The following CYBB variants were observed in gnomAD, a reference collection of about 807,000 sequenced individuals.
The protein encoded by CYBB is cytochrome b-245 beta chain, also known as NADPH oxidase 2.
A neutral mutation model predicts 46.5 loss-of-function variants in CYBB; 5 were observed. That is an observed-to-expected ratio of 0.11 (90% CI 0.06 to 0.23). The LOEUF is 0.23. Ranked by LOEUF, CYBB falls within the 10% of genes least tolerant of loss-of-function variation. The probability of loss-of-function intolerance (pLI) is 1.00; values close to 1 mark genes in which losing one functional copy is unlikely to be tolerated. For missense variants in CYBB, 307 were observed against 428.3 expected, an observed-to-expected ratio of 0.72 and a Z score of 2.50; for synonymous variants, 183 against 156.7, an observed-to-expected ratio of 1.17 and a Z score of -1.26.
At chrX:37,784,028 A>G (rs782571408) in intron 3 of CYBB, among the ~76,000 whole-genome samples, 16 of 111,804 alleles carry the variant, frequency 1.4e-4, no homozygotes, top group Non-Finnish European at 3.0e-4. Flanking sequence ...GTCAATGGAC[A>G]GAGTCACACT....
intron 3 of CYBB, among the ~76,000 whole-genome samples, chrX:37,786,290 G>A (rs1228298476): frequency 1.8e-5 from 2 of 111,712 alleles, no homozygotes; most frequent in Non-Finnish European, 3.8e-5. Context: ...AAATGGAAGT[G>A]TTGGCATTCA....
At chrX:37,802,819 T>C (rs1929473283) in intron 8 of CYBB, among the ~76,000 whole-genome samples, 1 of 112,239 alleles carries the variant, frequency 8.9e-6, no homozygotes, top group Non-Finnish European at 1.9e-5. Context: ...TTTATTTCTA[T>C]TGATTTTTCT....
At chrX:37,783,150 T>TACAGGATGGATACA (rs1556464773) in intron 2 of CYBB, among the ~76,000 whole-genome samples, 1 of 111,742 alleles carries the variant, frequency 8.9e-6, no homozygotes, top group African/African-American at 3.3e-5. Flanking sequence ...AGTTGATGGA[T>TACAGGATGGATACA]GGATACAGGA....
rs1247009149 is a variant in CYBB, at chrX:37,810,946, G to C, written c.*29G>C. On this transcript the variant is annotated 3_prime_UTR_variant, in exon 13 of 13. Coordinates refer to ENST00000378588, the MANE Select transcript of CYBB (RefSeq NM_000397.4). ...GTCTCTTCCATGAGGAAATAAATGT[G>C]GGTTGTGCTGCCAAATGCTCAAATA... 6 of 1,182,228 alleles carry C rather than the reference G, an allele frequency of 5.1e-6. No individual in the cohort carries two copies. The highest frequency in any genetic ancestry group is 2.2e-5 in the Admixed American group (1 of 45,379).
In CYBB at chrX:37,806,408, C is replaced by T. The variant is rs1556471637; in HGVS notation, c.1336C>T (p.Arg446Trp). Residue 446 changes from arginine (R) to tryptophan (W), a missense_variant, in exon 11 of 13, where the codon CGG becomes TGG. By Grantham distance (101) the Arg-to-Trp change is moderately radical. Around this residue, in one of 3 missense-constraint regions of CYBB, gnomAD observed 122 missense variants for 208.3 expected, o/e 0.59. Transcript: ENST00000378588. ...LKKIYFYWLCRDTHAFEWFAD... is the reference protein window; with the variant it reads ...LKKIYFYWLCWDTHAFEWFAD... ...TCAGATCTACTTCTACTGGCTGTGC[C>T]GGGACACACATGCCTTTGAGTGGTT... 1.7e-6 allele frequency: 2 copies of T among 1,209,043 alleles called. No homozygotes were observed. Among genetic ancestry groups the T allele is most frequent in the East Asian group, 3.0e-5 (1 of 33,737 alleles).
intron 11 of CYBB, among the ~76,000 whole-genome samples, chrX:37,809,061 T>TAC (rs782728314): frequency 8.9e-6 from 1 of 112,522 alleles, no homozygotes; most frequent in Non-Finnish European, 1.9e-5. Context: ...CACACACACA[T>TAC]ACACACACAC....
At chrX:37,808,307 C>T (rs782396720) in intron 11 of CYBB, among the ~76,000 whole-genome samples, 122 of 112,120 alleles carry the variant, frequency 1.1e-3, no homozygotes, top group Middle Eastern at 9.3e-3. Context: ...AGGGAAGGCT[C>T]GTCAAATACT....
At chrX:37,790,255 C>G (rs2146808335) in intron 3 of CYBB, among the ~76,000 whole-genome samples, 1 of 111,939 alleles carries the variant, frequency 8.9e-6, no homozygotes. Flanking sequence ...CCTTCCCAGT[C>G]TCATTTTTAC....
intron 3 of CYBB, among the ~76,000 whole-genome samples, chrX:37,790,768 C>G (rs73472182): frequency 9.0e-6 from 1 of 111,055 alleles, no homozygotes; most frequent in Admixed American, 9.6e-5. Flanking sequence ...TTAAACACCC[C>G]TATATTTAAA....
intron 2 of CYBB, 96 bp from the exon 3 acceptor site, chrX:37,783,394 G>A: frequency 1.8e-6 from 1 of 570,113 alleles, no homozygotes; most frequent in Non-Finnish European, 3.1e-6. Context: ...TGGTGTCTCT[G>A]GTGTGTGGCC....
chrX:37,805,300 G>A, intron 10 of CYBB, 132 bp downstream of exon 10: 3 of 620,427 alleles, frequency 4.8e-6, no homozygotes, highest in South Asian at 5.0e-5. Context: ...TGGTTCCAGA[G>A]AGACAGGCTT....
intron 6 of CYBB, among the ~76,000 whole-genome samples, chrX:37,798,056 G>A (rs1375268329): frequency 8.9e-6 from 1 of 112,006 alleles, no homozygotes; most frequent in Non-Finnish European, 1.9e-5. Flanking sequence ...AGGATAGAAA[G>A]GAGTGGTTAA....
At chrX:37,796,710 A>G (rs782268265) in intron 6 of CYBB, among the ~76,000 whole-genome samples, 1 of 111,951 alleles carries the variant, frequency 8.9e-6, no homozygotes, top group East Asian at 2.8e-4. Flanking sequence ...GTCTGTGCTA[A>G]GGGTTTGACA....
intron 1 of CYBB, among the ~76,000 whole-genome samples, chrX:37,781,402 A>G (rs371893940): frequency 9.8e-4 from 110 of 112,618 alleles, no homozygotes; most frequent in African/African-American, 3.4e-3. Flanking sequence ...TCTAGAGCAT[A>G]TAATAGCTTC....
At chrX:37,789,556 A>G (rs1399941397) in intron 3 of CYBB, among the ~76,000 whole-genome samples, 1 of 110,797 alleles carries the variant, frequency 9.0e-6, no homozygotes, top group East Asian at 2.8e-4. Context: ...TAAATAAACT[A>G]TAAAGGAACA....
chrX:37,795,241 G>C (rs1230775050), intron 5 of CYBB, among the ~76,000 whole-genome samples: 1 of 111,446 alleles, frequency 9.0e-6, no homozygotes, highest in East Asian at 2.8e-4. Flanking sequence ...GTGGCTGAAT[G>C]GTTACCTGTT....
At chrX:37,784,135 T>C (rs1929010271) in intron 3 of CYBB, among the ~76,000 whole-genome samples, 2 of 111,435 alleles carry the variant, frequency 1.8e-5, no homozygotes, top group Non-Finnish European at 3.8e-5. Context: ...TCCAACAATT[T>C]AGTAAGCCAC....
At chrX:37,809,947 C>T (rs1450032653) in intron 12 of CYBB, among the ~76,000 whole-genome samples, 3 of 111,564 alleles carry the variant, frequency 2.7e-5, no homozygotes, top group Non-Finnish European at 5.7e-5. Flanking sequence ...CCTGCCTGTC[C>T]CAAGTAGGGC....
chrX:37,786,295 C>T (rs1317329816), intron 3 of CYBB, among the ~76,000 whole-genome samples: 5 of 111,699 alleles, frequency 4.5e-5, no homozygotes, highest in East Asian at 5.6e-4. Flanking sequence ...GAAGTGTTGG[C>T]ATTCAAACCC....
Sources: allele counts gnomAD v4.1 joint callset (sites outside exome capture counted in the v4.1 genomes callset), GRCh38; gene constraint gnomAD v4.1.1; regional missense constraint gnomAD v4.1.1; transcripts MANE v1.5; gene names NCBI Gene and HGNC (gene_info 2026-07-23, HGNC 2026-07-21).